CCDC102B: variants seen among roughly 807,000 people sequenced by gnomAD.
The protein encoded by CCDC102B is coiled-coil domain-containing protein 102B.
A neutral mutation model predicts 57.4 loss-of-function variants in CCDC102B; 75 were observed. The observed-to-expected ratio is 1.31, with a 90% CI of 1.08 to 1.58. The LOEUF is 1.58. CCDC102B is among the 40% of genes most tolerant of loss of function. CCDC102B has a pLI of 0.00. For missense variants in CCDC102B, 636 were observed against 582.6 expected (o/e 1.09, Z -0.94); for synonymous variants, 206 against 201.9 (o/e 1.02, Z -0.17).
At chr18:68,926,456 A>ACTTATT (rs1274750741) in intron 6 of CCDC102B, among the ~76,000 whole-genome samples, 41 of 151,906 alleles carry the variant, frequency 2.7e-4, no homozygotes, top group Middle Eastern at 3.4e-3. Context: ...TTTTTCATTG[A>ACTTATT]CTTAGTATGT....
At chr18:68,925,768 T>C (rs747156645) in intron 6 of CCDC102B, among the ~76,000 whole-genome samples, 1 of 151,966 alleles carries the variant, frequency 6.6e-6, no homozygotes, top group Non-Finnish European at 1.5e-5. Flanking sequence ...TTTATAAGGG[T>C]ACATGCCAAT....
At chr18:68,999,512 T>A (rs1215856710) in intron 6 of CCDC102B, among the ~76,000 whole-genome samples, 1 of 151,930 alleles carries the variant, frequency 6.6e-6, no homozygotes, top group African/African-American at 2.4e-5. Flanking sequence ...AGGCTGAGTT[T>A]TGAGAATCCC....
intron 1 of CCDC102B, among the ~76,000 whole-genome samples, chr18:68,716,153 G>GT (rs1165650874): frequency 6.0e-5 from 9 of 150,432 alleles, no homozygotes; most frequent in Non-Finnish European, 1.0e-4. Context: ...AGACTAAAAC[G>GT]TAAGGGGACT....
At chr18:68,806,642 T>C (rs950562660) in intron 1 of CCDC102B, among the ~76,000 whole-genome samples, 3 of 152,160 alleles carry the variant, frequency 2.0e-5, no homozygotes, top group Non-Finnish European at 4.4e-5. Context: ...TTAAAGTCTA[T>C]TGGATGCTCT....
At chr18:68,998,038 G>A (rs2051078513) in intron 6 of CCDC102B, among the ~76,000 whole-genome samples, 1 of 151,922 alleles carries the variant, frequency 6.6e-6, no homozygotes, top group Middle Eastern at 3.2e-3. Flanking sequence ...TGAGTCATTT[G>A]GGGCTTATTT....
chr18:68,877,190 A>T (rs2039482670), intron 5 of CCDC102B, among the ~76,000 whole-genome samples: 1 of 152,238 alleles, frequency 6.6e-6, no homozygotes, highest in African/African-American at 2.4e-5. Flanking sequence ...GCCTCCTTTA[A>T]GTTTCTTACT....
At chr18:68,743,486 T>A (rs2033490949) in intron 2 of CCDC102B, among the ~76,000 whole-genome samples, 1 of 152,164 alleles carries the variant, frequency 6.6e-6, no homozygotes, top group South Asian at 2.1e-4. Context: ...AAGCTTAGAT[T>A]CATTACATGG....
At chr18:68,992,808 C>G (rs1258982392) in intron 6 of CCDC102B, 1 of 162,142 alleles carries the variant, frequency 6.2e-6, no homozygotes, top group African/African-American at 2.4e-5. Flanking sequence ...CTCATGTAGC[C>G]ACTCGTCGTG....
intron 6 of CCDC102B, among the ~76,000 whole-genome samples, chr18:68,945,120 CTCCACACACA>C (rs1448601808): frequency 2.3e-5 from 1 of 42,680 alleles, no homozygotes; most frequent in Admixed American, 2.9e-4. Flanking sequence ...GTCTCTCTCT[CTCCACACACA>C]CACACACACA....
At chr18:68,873,224 A>G (rs2039305122) in intron 4 of CCDC102B, among the ~76,000 whole-genome samples, 1 of 152,100 alleles carries the variant, frequency 6.6e-6, no homozygotes, top group Non-Finnish European at 1.5e-5. Flanking sequence ...CTGTGGTATT[A>G]TCTCTTGTCC....
chr18:68,748,819 T>G (rs1725338847), intron 2 of CCDC102B, among the ~76,000 whole-genome samples: 1 of 152,164 alleles, frequency 6.6e-6, no homozygotes, highest in African/African-American at 2.4e-5. Context: ...AAACTCCAAA[T>G]AACCCAGAAT....
Position 68,819,927 on chromosome 18 carries a change from T to C in CCDC102B, c.-15-16822T>C, listed in dbSNP as rs558050938. The stretch of plus-strand genomic sequence containing the variant: ...TACACATAATTGTGTATATTGACTT[T>C]AGATCAGTAACTTTACTAAAAATCA... On this transcript the variant is annotated intron_variant, in intron 1 of 7. Transcript: ENST00000360242. Among the ~76,000 whole-genome samples, 3 of 152,122 alleles carry C rather than the reference T, an allele frequency of 2.0e-5. No homozygotes were observed. In the South Asian group the frequency reaches 6.2e-4, roughly 31 times the overall value.
chr18:68,851,024 C>T (rs1273414706), intron 4 of CCDC102B, among the ~76,000 whole-genome samples: 2 of 152,078 alleles, frequency 1.3e-5, no homozygotes, highest in Admixed American at 1.3e-4. Flanking sequence ...TGTTGCCTTC[C>T]CCATTGAACT....
intron 1 of CCDC102B, among the ~76,000 whole-genome samples, chr18:68,826,916 T>C (rs1043462762): frequency 1.2e-4 from 19 of 152,168 alleles, no homozygotes; most frequent in African/African-American, 4.6e-4. Flanking sequence ...GTATTTACAT[T>C]ACTATGTAAC....
At chr18:68,775,977 A>G (rs1181486573) in intron 2 of CCDC102B, among the ~76,000 whole-genome samples, 1 of 152,116 alleles carries the variant, frequency 6.6e-6, no homozygotes, top group Non-Finnish European at 1.5e-5. Context: ...AATTCATGAT[A>G]TGCAGAGTGA....
Position 68,994,458 on chromosome 18 carries a change from C to A in CCDC102B, c.1264-16476C>A, listed in dbSNP as rs376164992. 1.7e-3 allele frequency among the ~76,000 whole-genome samples: 263 copies of A among 152,112 alleles called. 1 individual carries two copies. In the Middle Eastern group the frequency reaches 0.027, roughly 16 times the overall value. ...TGTTAGGCTTTGGGTCCAAATCTCA[C>A]CTTGAATTGTAATCCTCGTGATCCC... On this transcript the variant is annotated intron_variant, in intron 6 of 7. Transcript: ENST00000360242.
intron 4 of CCDC102B, among the ~76,000 whole-genome samples, chr18:68,866,026 CAGTA>C (rs1368130144): frequency 3.9e-5 from 6 of 151,986 alleles, no homozygotes; most frequent in Non-Finnish European, 7.4e-5. Flanking sequence ...TTCATTCTAT[CAGTA>C]AGTAATTTCA....
chr18:68,905,071 C>A (rs942398786), intron 6 of CCDC102B, among the ~76,000 whole-genome samples: 2 of 151,266 alleles, frequency 1.3e-5, no homozygotes, highest in Non-Finnish European at 2.9e-5. Flanking sequence ...TTTATTCTAT[C>A]AGTAAGGCAA....
chr18:68,874,212 GTATATA>G (rs1031107929), intron 4 of CCDC102B, among the ~76,000 whole-genome samples: 88 of 120,680 alleles, frequency 7.3e-4, no homozygotes, highest in East Asian at 3.5e-4. Context: ...GTGTGTGTGT[GTATATA>G]TATATACTTT....
Sources: allele counts gnomAD v4.1 joint callset (sites outside exome capture counted in the v4.1 genomes callset), GRCh38; gene constraint gnomAD v4.1.1; transcripts MANE v1.5; gene names NCBI Gene and HGNC (gene_info 2026-07-23, HGNC 2026-07-21).